Variants in KCTD17 observed in about 807,000 individuals in gnomAD.
KCTD17 encodes BTB/POZ domain-containing protein KCTD17.
A neutral mutation model predicts 41.5 loss-of-function variants in KCTD17; 20 were observed. The observed-to-expected ratio is 0.48, with a 90% confidence interval of 0.34 to 0.70. KCTD17 has a LOEUF of 0.70. KCTD17 is among the 30% of genes least tolerant of loss of function. The probability of loss-of-function intolerance (pLI) is 0.01; values close to 1 mark genes in which losing one functional copy is unlikely to be tolerated. For synonymous variants in KCTD17, 156 were observed against 173.8 expected, an observed-to-expected ratio of 0.90 and a Z score of 0.80; for missense variants, 317 against 427.2, an observed-to-expected ratio of 0.74 and a Z score of 2.27.
chr22:37,061,150 G>GCCT lies in KCTD17; in HGVS notation c.768_770dup (p.Pro257dup). The GCCT allele has an allele frequency of 6.4e-7, 1 of 1,551,090 alleles. No homozygotes were observed. Among genetic ancestry groups the GCCT allele is most frequent in the Non-Finnish European group, 8.7e-7 (1 of 1,146,908 alleles). On this transcript the variant is annotated inframe_insertion, in exon 7 of 9. Coordinates refer to ENST00000403888, the MANE Select transcript of KCTD17 (RefSeq NM_001282684.2). This position sits in a 1 kb window ranked among gnomAD's most constrained non-coding sequence, Gnocchi z 6.6. The stretch of plus-strand genomic sequence containing the variant: ...CTAACCTTTTCTCCCTCCCACCACT[G>GCCT]CCTCCTCCTCCGCTTCCCGCTGGAG...
intron 4 of KCTD17, among the ~76,000 whole-genome samples, chr22:37,058,407 ACCT>A (rs1601493214): frequency 6.6e-6 from 1 of 152,102 alleles, no homozygotes; most frequent in East Asian, 1.9e-4. Context: ...GGCTAACAGT[ACCT>A]CCTCTGTAGG....
rs752297218 is a variant in KCTD17, at chr22:37,061,624, TC to T, written c.873del (p.Cys292AlafsTer72). On this transcript the variant is annotated frameshift_variant, in exon 8 of 9. Transcript: ENST00000403888. LOFTEE classifies it high-confidence loss of function. This position sits in a 1 kb window ranked among gnomAD's most constrained non-coding sequence, Gnocchi z 6.6. ...RPLARPQSCH[P>X]CCYKPEAPGC... is the part of the protein sequence containing the mutation. ...CCCTCGCCCGCCCCCAGAGCTGCCA[TC>T]CCTGGTTTGTAGCTTGGCGGTGCTG... The T allele has an allele frequency of 6.3e-7, 1 of 1,597,448 alleles. No individual in the cohort carries two copies. The highest frequency in any genetic ancestry group is 8.5e-7 in the Non-Finnish European group (1 of 1,178,462).
At chr22:37,056,888 G>A (rs1359594047) in intron 3 of KCTD17, among the ~76,000 whole-genome samples, 1 of 152,132 alleles carries the variant, frequency 6.6e-6, no homozygotes, top group Non-Finnish European at 1.5e-5. Context: ...GGCCTCCCTG[G>A]CCAGTCTGCA....
In KCTD17 at chr22:37,053,109, G is replaced by T; in HGVS notation, c.199G>T (p.Gly67Trp). Residue 67 changes from glycine (G) to tryptophan (W), a missense_variant, in exon 2 of 9, where the codon GGG becomes TGG. By Grantham distance (184) the Gly-to-Trp change is radical (BLOSUM62 -2). Coordinates refer to ENST00000403888, the MANE Select transcript of KCTD17 (RefSeq NM_001282684.2). This position sits in a 1 kb window ranked among gnomAD's most constrained non-coding sequence, Gnocchi z 4.1. The part of the protein sequence containing the change: ...EELQSDRDET[G>W]AYLIDRDPTY... The stretch of plus-strand genomic sequence containing the variant: ...TCCCTCACCTCCATAGGATGAGACC[G>T]GGGCCTACCTCATTGACCGTGACCC... 1.3e-6 allele frequency: 2 copies of T among 1,589,094 alleles called. No homozygotes were observed. The highest frequency in any genetic ancestry group is 2.3e-5 in the East Asian group (1 of 43,460).
In KCTD17 at chr22:37,062,644, A is replaced by G. The variant is rs751748057; in HGVS notation, c.*50A>G. ...GTGGGCCCCGGGCCTGAGAAGGAAG[A>G]AGCACCCTCTCCCCGGCCTCCTCTG... On this transcript the variant is annotated 3_prime_UTR_variant, in exon 9 of 9. Coordinates refer to ENST00000403888, the MANE Select transcript of KCTD17 (RefSeq NM_001282684.2). The G allele has an allele frequency of 1.3e-6, 2 of 1,585,196 alleles. No individual in the cohort carries two copies. Among genetic ancestry groups the G allele is most frequent in the Non-Finnish European group, 1.7e-6 (2 of 1,165,018 alleles).
intron 5 of KCTD17, 87 bp downstream of exon 5, chr22:37,059,525 ATCCCTCCACCTCTC>A: frequency 6.9e-7 from 1 of 1,451,562 alleles, no homozygotes. Flanking sequence ...CGCCTGCACC[ATCCCTCCACCTCTC>A]TCCCGCCACC....
At chr22:37,060,967 C>T in intron 6 of KCTD17, 45 bp downstream of exon 6, 1 of 1,536,770 alleles carries the variant, frequency 6.5e-7, no homozygotes, top group Non-Finnish European at 8.8e-7. Flanking sequence ...AAAGCCGGAG[C>T]CTCCCGCCCA....
chr22:37,062,476 C>T (rs371727118), intron 8 of KCTD17, 49 bp from the exon 9 acceptor site: 3 of 1,582,644 alleles, frequency 1.9e-6, no homozygotes, highest in Non-Finnish European at 2.6e-6. Context: ...CTTACCGGCC[C>T]CACCTCCGCC....
At chr22:37,059,198 C>A in intron 4 of KCTD17, 115 bp from the exon 5 acceptor site, 1 of 1,455,826 alleles carries the variant, frequency 6.9e-7, no homozygotes, top group Non-Finnish European at 9.5e-7. Context: ...GCCCGACAAG[C>A]CGCAAGATTA....
In KCTD17 at chr22:37,061,896, G is replaced by A; in HGVS notation, c.875+267G>A. The A allele has an allele frequency of 1.0e-6, 1 of 985,398 alleles. No homozygotes were observed. The highest frequency in any genetic ancestry group is 4.7e-5 in the South Asian group (1 of 21,288). The allele number at this position is 985,398 out of a possible 1,614,324, so 61.0% of individuals were successfully genotyped here. A position where few individuals can be genotyped will look rare whatever the true frequency, so the allele number is the denominator to read the frequency against. ...CCTGGCCAAGTCCCTGCACATCCAGGAGCTCCTGTGTCACTGCCTTGTGGC... is the reference window on the plus strand; with the variant it reads ...CCTGGCCAAGTCCCTGCACATCCAGAAGCTCCTGTGTCACTGCCTTGTGGC... On this transcript the variant is annotated intron_variant, in intron 8 of 8. Coordinates refer to ENST00000403888, the MANE Select transcript of KCTD17 (RefSeq NM_001282684.2). The surrounding 1 kb of genome is among the most constrained non-coding windows in gnomAD (Gnocchi z 6.6).
rs541291890 is a variant in KCTD17, at chr22:37,058,353, G to T, written c.486+860G>T. Reference sequence around the variant, plus strand: ...CAGACATGCCTGCCACCTTGGGCAAGTTACATCTCCTGTGCGGGACCCAGT... The same window carrying T: ...CAGACATGCCTGCCACCTTGGGCAATTTACATCTCCTGTGCGGGACCCAGT... On this transcript the variant is annotated intron_variant, in intron 4 of 8. Coordinates refer to ENST00000403888, the MANE Select transcript of KCTD17 (RefSeq NM_001282684.2). 8.5e-5 allele frequency among the ~76,000 whole-genome samples: 13 copies of T among 152,370 alleles called. No homozygotes were observed. In the South Asian group the frequency reaches 2.7e-3, roughly 32 times the overall value.
chr22:37,059,466 C>G lies in KCTD17; in HGVS notation c.612+28C>G, dbSNP rs111412516. 5 of 1,591,536 alleles carry G rather than the reference C, an allele frequency of 3.1e-6. No homozygotes were observed. The African/African-American group carries it at 4.0e-5, about 13-fold the overall frequency. Reference sequence around the variant, plus strand: ...GAGCCCACCCGCCTCAGCCTGTGTCCGGAGAAGTCTCCTGTCTCCCTCCAC... The same window carrying G: ...GAGCCCACCCGCCTCAGCCTGTGTCGGGAGAAGTCTCCTGTCTCCCTCCAC... On this transcript the variant is annotated intron_variant, in intron 5 of 8. Coordinates refer to ENST00000403888, the MANE Select transcript of KCTD17 (RefSeq NM_001282684.2).
In KCTD17 at chr22:37,062,617, G is replaced by T; in HGVS notation, c.*23G>T. 6.2e-7 allele frequency: 1 copy of T among 1,606,792 alleles called. No individual in the cohort carries two copies. The highest frequency in any genetic ancestry group is 8.5e-7 in the Non-Finnish European group (1 of 1,176,512). The stretch of plus-strand genomic sequence containing the variant: ...TGAAATCCTTTATTTTTGTACCATG[G>T]GGTGGGCCCCGGGCCTGAGAAGGAA... On this transcript the variant is annotated 3_prime_UTR_variant, in exon 9 of 9. Coordinates refer to ENST00000403888, the MANE Select transcript of KCTD17 (RefSeq NM_001282684.2).
chr22:37,052,594 T>C (rs1313029755), intron 1 of KCTD17: 3 of 470,966 alleles, frequency 6.4e-6, no homozygotes, highest in Non-Finnish European at 1.3e-5. Context: ...CTGTGGCCTT[T>C]GGCAAGTCGC....
Position 37,062,706 on chromosome 22 carries a change from A to G in KCTD17, c.*112A>G. On this transcript the variant is annotated 3_prime_UTR_variant, in exon 9 of 9. Transcript: ENST00000403888. The stretch of plus-strand genomic sequence containing the variant: ...GGGGCTGTGACTTACTCCTGCCTCC[A>G]GGGGCGGGGCGGGGCCCCCCTGGGA... 6.6e-7 allele frequency: 1 copy of G among 1,525,594 alleles called. No homozygotes were observed. Among genetic ancestry groups the G allele is most frequent in the Non-Finnish European group, 8.8e-7 (1 of 1,135,128 alleles). 94.5% of individuals were successfully genotyped at this position (1,525,594 alleles called of 1,614,324 possible). A position where few individuals can be genotyped will look rare whatever the true frequency, so the allele number is the denominator to read the frequency against.
rs1203578535 is a variant in KCTD17, at chr22:37,051,817, A to C, written c.57A>C (p.Ala19=). The change falls in exon 1 of 9, where the codon GCA becomes GCC. Residue 19 remains alanine, a synonymous_variant. Coordinates refer to ENST00000403888, the MANE Select transcript of KCTD17 (RefSeq NM_001282684.2). The part of the protein sequence containing the change: ...APPAGAGGRA[A]GGWGKWVRLN... ...CGGCGGGGGCGGGCGGCCGCGCCGC[A>C]GGCGGCTGGGGCAAGTGGGTGCGGC... 3.5e-5 allele frequency: 45 copies of C among 1,289,080 alleles called. No homozygotes were observed. Among genetic ancestry groups the C allele is most frequent in the Admixed American group, 7.9e-5 (2 of 25,428 alleles). The allele number at this position is 1,289,080 out of a possible 1,614,324, so 79.9% of individuals were successfully genotyped here.
At chr22:37,052,305 T>C in intron 1 of KCTD17, 1 of 365,334 alleles carries the variant, frequency 2.7e-6, no homozygotes, top group Non-Finnish European at 5.3e-6. Context: ...AGGCTACTTC[T>C]CCCGCTCTTT....
intron 2 of KCTD17, among the ~76,000 whole-genome samples, chr22:37,055,531 G>A: frequency 6.6e-6 from 1 of 152,194 alleles, no homozygotes; most frequent in East Asian, 1.9e-4. Context: ...AGGGCCCAAA[G>A]GTCCCCTGCC....
chr22:37,051,973 G>C, intron 1 of KCTD17, 24 bp downstream of exon 1: 1 of 1,424,544 alleles, frequency 7.0e-7, no homozygotes, highest in Non-Finnish European at 9.2e-7. Context: ...GGTGGGCGGC[G>C]AGCGGGCGGT....
Sources: gnomAD v4.1 joint callset for allele counts (sites outside exome capture counted in the v4.1 genomes callset) on GRCh38, gnomAD v4.1.1 for gene constraint, Gnocchi (gnomAD v3.1) non-coding constraint, MANE v1.5 for transcripts, NCBI Gene and HGNC (gene_info 2026-07-23, HGNC 2026-07-21) for gene names.